CNGB1: variants seen among roughly 807,000 people sequenced by gnomAD.
CNGB1 encodes the protein cyclic nucleotide-gated channel beta-1.
Under a neutral mutation model 151.7 loss-of-function variants are expected in CNGB1, and 126 were observed. The ratio of observed to expected loss-of-function variants is 0.83; its 90% CI spans 0.72 to 0.96. CNGB1 has a LOEUF of 0.96. CNGB1 is among the 40% of genes least tolerant of loss of function. The pLI is 0.00. For missense variants in CNGB1, 1,698 were observed against 1,627.0 expected (o/e 1.04, Z -0.75); for synonymous variants, 623 against 635.1 (o/e 0.98, Z 0.29).
At chr16:57,921,197 G>A (rs1364060685) in intron 18 of CNGB1, among the ~76,000 whole-genome samples, 2 of 150,266 alleles carry the variant, frequency 1.3e-5, no homozygotes, top group Non-Finnish European at 3.0e-5. Flanking sequence ...TGAGGAAGAC[G>A]GGCTGGAGAA....
At chr16:57,957,480 G>A (rs1201742782) in intron 11 of CNGB1, 103 bp from the exon 12 acceptor site, 9 of 944,044 alleles carry the variant, frequency 9.5e-6, no homozygotes, top group African/African-American at 3.2e-5. Context: ...CACCTCTCCG[G>A]GCCTTAGTTG....
intron 8 of CNGB1, 115 bp from the exon 9 acceptor site, chr16:57,960,645 G>A (rs1205568256): frequency 3.1e-5 from 43 of 1,402,974 alleles, no homozygotes; most frequent in Non-Finnish European, 3.9e-5. Flanking sequence ...ATGGGGGTGG[G>A]GGGTGTCTCT....
chr16:57,911,033 C>T (rs535041562), intron 25 of CNGB1, among the ~76,000 whole-genome samples: 1 of 152,176 alleles, frequency 6.6e-6, no homozygotes, highest in Non-Finnish European at 1.5e-5. Context: ...GCAAGTGGGT[C>T]TCACCTCATT....
chr16:57,893,307 A>AGT (rs1306433206), intron 31 of CNGB1, among the ~76,000 whole-genome samples: 1 of 152,162 alleles, frequency 6.6e-6, no homozygotes, highest in Admixed American at 6.5e-5. Context: ...CCCAGGCTGG[A>AGT]GTGCAGTGGC....
chr16:57,962,945 G>A (rs901843077), intron 5 of CNGB1, 29 bp downstream of exon 5: 17 of 1,612,234 alleles, frequency 1.1e-5, no homozygotes, highest in African/African-American at 4.0e-5. Flanking sequence ...CTCCAACCCG[G>A]CCCCTTCAGC....
At chr16:57,901,977 C>T (rs1345585454) in intron 27 of CNGB1, among the ~76,000 whole-genome samples, 1 of 152,216 alleles carries the variant, frequency 6.6e-6, no homozygotes, top group Admixed American at 6.5e-5. Context: ...TTCCCACTTC[C>T]CTGGAAGGAC....
chr16:57,955,495 A>G lies in CNGB1; in HGVS notation c.874+1846T>C, dbSNP rs1962061655. 7.5e-6 allele frequency: 6 copies of G among 798,908 alleles called. No individual in the cohort carries two copies. In the South Asian group the frequency reaches 9.7e-5, roughly 13 times the overall value. 49.5% of individuals were successfully genotyped at this position (798,908 alleles called of 1,614,324 possible). ...GGACACATATCCCCCAGCCTCTCAG[A>G]GTCTCCCCATGACATGGGACGTGAG... On this transcript the variant is annotated intron_variant, in intron 12 of 32. Coordinates refer to ENST00000251102, the MANE Select transcript of CNGB1 (RefSeq NM_001297.5).
intron 29 of CNGB1, among the ~76,000 whole-genome samples, chr16:57,900,729 G>A (rs1467072849): frequency 6.6e-6 from 1 of 152,110 alleles, no homozygotes; most frequent in East Asian, 1.9e-4. Flanking sequence ...CACCCCAGCT[G>A]CCTCTTGCCA....
At chr16:57,944,697 G>A (rs1156322238) in intron 14 of CNGB1, among the ~76,000 whole-genome samples, 3 of 152,020 alleles carry the variant, frequency 2.0e-5, no homozygotes, top group African/African-American at 7.3e-5. Context: ...GCTCATGCCT[G>A]TAATCCCAGC....
intron 12 of CNGB1, among the ~76,000 whole-genome samples, 184 bp downstream of exon 12, chr16:57,957,157 G>C (rs368623789): frequency 1.8e-4 from 27 of 152,310 alleles, no homozygotes; most frequent in Non-Finnish European, 3.8e-4. Context: ...CTGGCTACCT[G>C]AACAGAGGTA....
intron 22 of CNGB1, 66 bp from the exon 23 acceptor site, chr16:57,915,401 G>C: frequency 8.2e-7 from 1 of 1,226,862 alleles, no homozygotes; most frequent in Non-Finnish European, 1.2e-6. Context: ...TGAGGGGAGT[G>C]AGAGGCGGAG....
intron 25 of CNGB1, among the ~76,000 whole-genome samples, chr16:57,905,348 C>T (rs1403961532): frequency 6.7e-6 from 1 of 148,678 alleles, no homozygotes; most frequent in Admixed American, 6.7e-5. Flanking sequence ...CTACCCGGCC[C>T]ATCCATTTTC....
intron 29 of CNGB1, among the ~76,000 whole-genome samples, chr16:57,899,637 C>G (rs1466562109): frequency 4.0e-5 from 6 of 150,800 alleles, no homozygotes; most frequent in African/African-American, 1.5e-4. Context: ...GGGACTTGGT[C>G]TCAAATAAAC....
At chr16:57,914,273 T>C (rs1409080341) in intron 23 of CNGB1, among the ~76,000 whole-genome samples, 6 of 152,182 alleles carry the variant, frequency 3.9e-5, no homozygotes, top group Non-Finnish European at 8.8e-5. Context: ...CTCACTCTGA[T>C]GTTTGGCTCT....
chr16:57,966,729 T>C (rs1318930025), intron 2 of CNGB1, among the ~76,000 whole-genome samples: 1 of 152,172 alleles, frequency 6.6e-6, no homozygotes, highest in African/African-American at 2.4e-5. Flanking sequence ...ACTCTAGAGG[T>C]TGGCAAAATA....
chr16:57,963,093 C>T (rs1330150407), intron 4 of CNGB1, 29 bp from the exon 5 acceptor site: 1 of 1,554,516 alleles, frequency 6.4e-7, no homozygotes, highest in South Asian at 1.1e-5. Flanking sequence ...CCAGCCCGCC[C>T]TCAACTTCCC....
chr16:57,917,330 A>T lies in CNGB1; in HGVS notation c.2104T>A (p.Tyr702Asn), dbSNP rs778003375. The T allele has an allele frequency of 3.1e-6, 5 of 1,614,032 alleles. No homozygotes were observed. The highest frequency in any genetic ancestry group is 4.2e-6 in the Non-Finnish European group (5 of 1,180,036). The change falls in exon 21 of 33, where the codon TAC (tyrosine) becomes AAC (asparagine). Residue 702 changes from tyrosine to asparagine, a missense_variant. Tyr to Asn is a moderately radical substitution (Grantham distance 143, BLOSUM62 -2). Coordinates refer to ENST00000251102, the MANE Select transcript of CNGB1 (RefSeq NM_001297.5). ...LLMDYLCDLI[Y>N]FLDITVFQTR... The stretch of plus-strand genomic sequence containing the variant: ...TGGAACACGGTGATGTCCAGGAAGT[A>T]GATGAGGTCGCATAGGTAATCCATC...
At chr16:57,901,894 C>T (rs1960403426) in intron 27 of CNGB1, among the ~76,000 whole-genome samples, 1 of 152,208 alleles carries the variant, frequency 6.6e-6, no homozygotes, top group Non-Finnish European at 1.5e-5. Flanking sequence ...GCCTTCCCTG[C>T]CTTCCCTTGA....
At position 57,928,919 on chromosome 16, in the gene CNGB1, A is replaced by G. The variant is rs188703914; in HGVS notation, c.1535+2797T>C. 5.8e-3 allele frequency among the ~76,000 whole-genome samples: 888 copies of G among 152,308 alleles called. 5 individuals are homozygous for G. Among genetic ancestry groups the G allele is most frequent in the African/African-American group, 0.02 (825 of 41,580 alleles). ...CTCCCAAAGTGCTGGGATTACAGGCATGAGCCACTATGCCCAGCCCACATT... is the reference window on the plus strand; with the variant it reads ...CTCCCAAAGTGCTGGGATTACAGGCGTGAGCCACTATGCCCAGCCCACATT... On this transcript the variant is annotated intron_variant, in intron 17 of 32. Coordinates refer to ENST00000251102, the MANE Select transcript of CNGB1 (RefSeq NM_001297.5).
Sources: gnomAD v4.1 joint callset for allele counts (sites outside exome capture counted in the v4.1 genomes callset) on GRCh38, gnomAD v4.1.1 for gene constraint, MANE v1.5 for transcripts, NCBI Gene and HGNC (gene_info 2026-07-23, HGNC 2026-07-21) for gene names.